The following ELAPOR1 variants were observed in gnomAD, a reference collection of about 807,000 sequenced individuals.
ELAPOR1 encodes endosome-lysosome associated apoptosis and autophagy regulator 1, also known as endosome/lysosome-associated apoptosis and autophagy regulator 1.
In ELAPOR1, 77 loss-of-function variants were observed where a neutral mutation model predicts 119.7. That is an observed-to-expected ratio of 0.64 (90% CI 0.54 to 0.78). The LOEUF is 0.78. Among genes scored for constraint, ELAPOR1 ranks in the 30% least tolerant of loss-of-function variants. The pLI, the probability that ELAPOR1 is intolerant of heterozygous loss-of-function variation, is 0.00. For synonymous variants in ELAPOR1, 481 were observed against 487.2 expected, an observed-to-expected ratio of 0.99 and a Z score of 0.17; for missense variants, 1,115 against 1,270.4, an observed-to-expected ratio of 0.88 and a Z score of 1.86.
intron 12 of ELAPOR1, 48 bp downstream of exon 12, chr1:109,191,519 AG>A: frequency 1.3e-6 from 2 of 1,534,086 alleles, no homozygotes; most frequent in Non-Finnish European, 1.8e-6. Flanking sequence ...GGGGAGGGTT[AG>A]CCCCATCTGC....
At chr1:109,170,274 G>A (rs1424749642) in intron 3 of ELAPOR1, among the ~76,000 whole-genome samples, 1 of 152,144 alleles carries the variant, frequency 6.6e-6, no homozygotes, top group Non-Finnish European at 1.5e-5. Flanking sequence ...GTTAGTGGAG[G>A]GTACGCAGAG....
intron 1 of ELAPOR1, among the ~76,000 whole-genome samples, chr1:109,142,720 C>T (rs555888782): frequency 7.2e-5 from 11 of 152,242 alleles, no homozygotes; most frequent in South Asian, 6.2e-4. Flanking sequence ...AAAATGGTAT[C>T]GCTGTTATGG....
chr1:109,189,023 A>C (rs780479059), intron 9 of ELAPOR1, 43 bp from the exon 10 acceptor site: 11 of 1,605,032 alleles, frequency 6.9e-6, no homozygotes, highest in African/African-American at 2.7e-5. Context: ...GAGTGACTGC[A>C]GCCTTCCCAC....
intron 1 of ELAPOR1, among the ~76,000 whole-genome samples, chr1:109,160,519 A>G (rs1651183196): frequency 6.6e-6 from 1 of 152,186 alleles, no homozygotes; most frequent in Non-Finnish European, 1.5e-5. Flanking sequence ...GCATCTTGGA[A>G]TAGATGAAAT....
Position 109,145,071 on chromosome 1 carries a change from G to A in ELAPOR1, c.154-16823G>A, listed in dbSNP as rs557452320. 1.1e-4 allele frequency among the ~76,000 whole-genome samples: 17 copies of A among 152,170 alleles called. No homozygotes were observed. In the South Asian group the frequency reaches 2.9e-3, roughly 26 times the overall value. ...TTTTGTGATCTGCTTGCTGGGGAAA[G>A]GGTGGGGCCTTTAAGAGGTGATTAG... On this transcript the variant is annotated intron_variant, in intron 1 of 21. Coordinates refer to ENST00000369939, the MANE Select transcript of ELAPOR1 (RefSeq NM_020775.5).
intron 7 of ELAPOR1, among the ~76,000 whole-genome samples, chr1:109,177,212 G>A (rs1178615840): frequency 4.1e-5 from 6 of 148,002 alleles, no homozygotes; most frequent in African/African-American, 7.6e-5. Flanking sequence ...CCTCCTGGAC[G>A]GGGCGGCTGG....
Position 109,188,613 on chromosome 1 carries a change from C to T in ELAPOR1, c.1219+259C>T, listed in dbSNP as rs546530410. ...AATGTGACTCAGGACTGAAGGTGCC[C>T]AATCCTCAAAGCAGGGCTTCCAGCA... On this transcript the variant is annotated intron_variant, in intron 9 of 21. Transcript: ENST00000369939. Among the ~76,000 whole-genome samples the T allele has an allele frequency of 5.3e-5, 8 of 152,284 alleles. No individual in the cohort carries two copies. The South Asian group carries it at 1.7e-3, about 32-fold the overall frequency.
At position 109,204,216 on chromosome 1, in the gene ELAPOR1, C is replaced by G. The variant is rs1026780640; in HGVS notation, c.*1204C>G. ...GGGATTACAGGCATAAGCCACTGCA[C>G]TCAGCCTTTTATTTGTTTTTTAAAC... On this transcript the variant is annotated 3_prime_UTR_variant, in exon 22 of 22. Transcript: ENST00000369939. 1 of 152,252 alleles carries G rather than the reference C, an allele frequency of 6.6e-6. No homozygotes were observed. Among genetic ancestry groups the G allele is most frequent in the African/African-American group, 2.4e-5 (1 of 41,468 alleles). 9.4% of individuals were successfully genotyped at this position (152,252 alleles called of 1,614,324 possible). A position where few individuals can be genotyped will look rare whatever the true frequency, so the allele number is the denominator to read the frequency against.
rs1196733444 is a variant in ELAPOR1, at chr1:109,155,350, CT to C, written c.154-6543del. On this transcript the variant is annotated intron_variant, in intron 1 of 21. Transcript: ENST00000369939. ...ACCATCACGCCCGGCTAATTTTTTT[CT>C]GTTTTTTTAATAGAGACGGGGTTTC... Among the ~76,000 whole-genome samples, 3 of 151,992 alleles carry C rather than the reference CT, an allele frequency of 2.0e-5. No homozygotes were observed. The East Asian group carries it at 5.8e-4, about 29-fold the overall frequency.
chr1:109,157,604 T>C (rs1196788403), intron 1 of ELAPOR1, among the ~76,000 whole-genome samples: 1 of 152,156 alleles, frequency 6.6e-6, no homozygotes, highest in Non-Finnish European at 1.5e-5. Context: ...CCCTCTATGA[T>C]GCAGGAGTTT....
intron 1 of ELAPOR1, among the ~76,000 whole-genome samples, chr1:109,149,014 T>C (rs1025538422): frequency 6.6e-6 from 1 of 152,190 alleles, no homozygotes; most frequent in Admixed American, 6.5e-5. Flanking sequence ...TTACAGACTG[T>C]CATAAATGTC....
At chr1:109,118,151 G>C (rs1041611405) in intron 1 of ELAPOR1, among the ~76,000 whole-genome samples, 4 of 151,722 alleles carry the variant, frequency 2.6e-5, no homozygotes, top group Non-Finnish European at 5.9e-5. Context: ...AAGAAAGAAA[G>C]AAAGAAAATT....
intron 1 of ELAPOR1, among the ~76,000 whole-genome samples, chr1:109,144,937 ATATAT>A (rs1259553024): frequency 5.9e-5 from 9 of 152,234 alleles, no homozygotes; most frequent in African/African-American, 1.9e-4. Context: ...AAAACCAAAC[ATATAT>A]TATATATCAT....
Position 109,114,175 on chromosome 1 carries a change from G to C in ELAPOR1, c.-9G>C. On this transcript the variant is annotated 5_prime_UTR_variant, in exon 1 of 22. Transcript: ENST00000369939. Reference sequence around the variant, plus strand: ...TGAGCCGCTACTGCCGCTCACTCAGGACAACGCTATGGCTGAGCCTGGGCA... The same window carrying C: ...TGAGCCGCTACTGCCGCTCACTCAGCACAACGCTATGGCTGAGCCTGGGCA... The C allele has an allele frequency of 1.3e-6, 2 of 1,581,468 alleles. No individual in the cohort carries two copies. Among genetic ancestry groups the C allele is most frequent in the Non-Finnish European group, 1.7e-6 (2 of 1,163,678 alleles).
chr1:109,200,358 A>T (rs890059266), intron 20 of ELAPOR1, 121 bp downstream of exon 20: 6 of 1,164,662 alleles, frequency 5.2e-6, no homozygotes, highest in Non-Finnish European at 7.3e-6. Flanking sequence ...TCTGTGACTT[A>T]TCCAGTGCAT....
At chr1:109,169,415 T>C (rs1651793068) in intron 3 of ELAPOR1, among the ~76,000 whole-genome samples, 1 of 152,036 alleles carries the variant, frequency 6.6e-6, no homozygotes. Context: ...AATTTTTGCA[T>C]TTTTAGTAGA....
intron 1 of ELAPOR1, among the ~76,000 whole-genome samples, chr1:109,157,944 GTGGT>G (rs1650982320): frequency 6.6e-6 from 1 of 152,176 alleles, no homozygotes; most frequent in Non-Finnish European, 1.5e-5. Context: ...CTGGAATGTA[GTGGT>G]ACAATCACGG....
intron 1 of ELAPOR1, among the ~76,000 whole-genome samples, chr1:109,159,203 G>A (rs938072166): frequency 2.0e-5 from 3 of 152,130 alleles, no homozygotes; most frequent in African/African-American, 7.2e-5. Context: ...CTAAGCTTAT[G>A]TCTTGAATGG....
rs191450928 is a variant in ELAPOR1, at chr1:109,130,267, G to A, written c.153+15931G>A. On this transcript the variant is annotated intron_variant, in intron 1 of 21. Transcript: ENST00000369939. ...GGGACACTATACAACCCAGTGCACCGGCACGTAGTATAGACTCAATAAGTA... is the reference window on the plus strand; with the variant it reads ...GGGACACTATACAACCCAGTGCACCAGCACGTAGTATAGACTCAATAAGTA... 2.5e-4 allele frequency among the ~76,000 whole-genome samples: 38 copies of A among 152,170 alleles called. No individual in the cohort carries two copies. The East Asian group carries it at 4.8e-3, about 19-fold the overall frequency.
Sources: gnomAD v4.1 joint callset for allele counts (sites outside exome capture counted in the v4.1 genomes callset) on GRCh38, gnomAD v4.1.1 for gene constraint, MANE v1.5 for transcripts, NCBI Gene and HGNC (gene_info 2026-07-23, HGNC 2026-07-21) for gene names.